The following HIP1 variants were observed in gnomAD, a reference collection of about 807,000 sequenced individuals.
HIP1 encodes the protein huntingtin interacting protein 1.
HIP1 carries 65 observed loss-of-function variants against 147.6 expected under a neutral mutation model. The observed-to-expected ratio is 0.44, with a 90% CI of 0.36 to 0.54. HIP1 has a LOEUF of 0.54. HIP1 is among the 20% of genes least tolerant of loss of function. The pLI is 0.00. For synonymous variants in HIP1, 479 were observed against 504.0 expected, an observed-to-expected ratio of 0.95 and a Z score of 0.67; for missense variants, 1,061 against 1,299.6, an observed-to-expected ratio of 0.82 and a Z score of 2.82.
At chr7:75,713,137 C>A (rs536396874) in intron 1 of HIP1, among the ~76,000 whole-genome samples, 2 of 152,182 alleles carry the variant, frequency 1.3e-5, no homozygotes, top group African/African-American at 2.4e-5. Flanking sequence ...TGGAAGGGCA[C>A]AAAGTGAGTG....
intron 1 of HIP1, among the ~76,000 whole-genome samples, chr7:75,659,200 T>A (rs1162875337): frequency 1.3e-5 from 2 of 152,224 alleles, no homozygotes; most frequent in African/African-American, 4.8e-5. Flanking sequence ...CAAAAATGTT[T>A]GGCCTTGGGC....
rs531315367 is a variant in HIP1, at chr7:75,694,170, G to A, written c.120+44631C>T. 1.4e-4 allele frequency among the ~76,000 whole-genome samples: 21 copies of A among 151,884 alleles called. No homozygotes were observed. The South Asian group carries it at 3.9e-3, about 29-fold the overall frequency. On this transcript the variant is annotated intron_variant, in intron 1 of 30. Transcript: ENST00000336926. ...CCTAACCTCGTGATCCACCCACCTC[G>A]GCCTCCCAAAGTGCTGAGATTACAG...
chr7:75,724,599 C>A (rs545005224), intron 1 of HIP1, among the ~76,000 whole-genome samples: 2 of 152,326 alleles, frequency 1.3e-5, no homozygotes, highest in South Asian at 4.1e-4. Flanking sequence ...CCATGCCTAG[C>A]CATCGCCACT....
intron 1 of HIP1, 74 bp downstream of exon 1, chr7:75,738,726 CT>C: frequency 1.3e-6 from 2 of 1,517,274 alleles, no homozygotes; most frequent in Non-Finnish European, 1.8e-6. Flanking sequence ...AAGACTCCTA[CT>C]CCCTTCAAAG....
chr7:75,592,349 A>G, intron 3 of HIP1, 23 bp downstream of exon 3: 1 of 1,589,202 alleles, frequency 6.3e-7, no homozygotes, highest in Non-Finnish European at 8.6e-7. Flanking sequence ...GCTCCCTGCC[A>G]CCCCATAGCC....
In HIP1 at chr7:75,568,865, C is replaced by T. The variant is rs1031172191; in HGVS notation, c.746-609G>A. 7.9e-5 allele frequency among the ~76,000 whole-genome samples: 12 copies of T among 152,172 alleles called. No individual in the cohort carries two copies. Among genetic ancestry groups the T allele is most frequent in the African/African-American group, 1.2e-4 (5 of 41,444 alleles). On this transcript the variant is annotated intron_variant, in intron 8 of 30. Coordinates refer to ENST00000336926, the MANE Select transcript of HIP1 (RefSeq NM_005338.7). The surrounding 1 kb of genome is among the most constrained non-coding windows in gnomAD (Gnocchi z 4.1). ...CTCTACTAAAAATACAGAAATTAGC[C>T]GGGCGCGGTGGCATGCGCCTGTAAT... is the stretch of plus-strand genomic sequence containing the variant.
At chr7:75,572,927 C>T (rs1423151219) in intron 8 of HIP1, among the ~76,000 whole-genome samples, 2 of 152,200 alleles carry the variant, frequency 1.3e-5, no homozygotes, top group African/African-American at 4.8e-5. Context: ...AACCTGTTCC[C>T]GCTGCCTGGC....
At chr7:75,634,466 C>T (rs185028669) in intron 1 of HIP1, among the ~76,000 whole-genome samples, 18 of 152,300 alleles carry the variant, frequency 1.2e-4, no homozygotes, top group African/African-American at 3.8e-4. Flanking sequence ...TTTATTATAT[C>T]GCTATAGCGC....
Position 75,738,891 on chromosome 7 carries a change from C to T in HIP1, c.30G>A (p.Gln10=), listed in dbSNP as rs781964287. MDRMASSMK[Q]VPNPLPKVLS... ...GCACCTTGGGCAGTGGGTTGGGCAC[C>T]TGCTTCATGGAGCTGGCCATCCGAT... Residue 10 remains glutamine (Q), a synonymous_variant, in exon 1 of 31, where the codon CAG becomes CAA. Transcript: ENST00000336926. The T allele has an allele frequency of 1.3e-5, 21 of 1,564,514 alleles. No individual in the cohort carries two copies. In the South Asian group the frequency reaches 2.1e-4, roughly 16 times the overall value.
At chr7:75,668,242 C>T (rs1165216925) in intron 1 of HIP1, among the ~76,000 whole-genome samples, 3 of 152,182 alleles carry the variant, frequency 2.0e-5, no homozygotes, top group Admixed American at 6.6e-5. Flanking sequence ...GCCTCAGTGG[C>T]GAGGGTCGGG....
intron 4 of HIP1, among the ~76,000 whole-genome samples, chr7:75,588,090 A>G (rs1796349856): frequency 6.6e-6 from 1 of 152,210 alleles, no homozygotes; most frequent in African/African-American, 2.4e-5. Context: ...CCTAAGGACT[A>G]TGAAGAATTC....
At chr7:75,616,749 G>A (rs1258218523) in intron 1 of HIP1, among the ~76,000 whole-genome samples, 8 of 152,288 alleles carry the variant, frequency 5.3e-5, no homozygotes, top group African/African-American at 1.4e-4. Context: ...GAGGGTGGAT[G>A]TCCACACATA....
intron 12 of HIP1, 100 bp from the exon 13 acceptor site, chr7:75,561,501 G>T: frequency 3.7e-6 from 3 of 803,074 alleles, no homozygotes; most frequent in South Asian, 2.7e-5. Flanking sequence ...GTATTAATTT[G>T]GGGACAATTC....
At chr7:75,639,111 T>G (rs1391958381) in intron 1 of HIP1, 1 of 983,100 alleles carries the variant, frequency 1.0e-6, no homozygotes, top group Non-Finnish European at 1.2e-6. Context: ...GAGATCCCGC[T>G]TCCCCCAAAG....
intron 8 of HIP1, among the ~76,000 whole-genome samples, chr7:75,573,273 G>A (rs1191930479): frequency 6.6e-6 from 1 of 152,160 alleles, no homozygotes; most frequent in Non-Finnish European, 1.5e-5. Flanking sequence ...ATAATCAGCT[G>A]CAGAGAGGAG....
In HIP1 at chr7:75,538,096, G is replaced by A; in HGVS notation, c.*76C>T. The A allele has an allele frequency of 3.3e-6, 4 of 1,230,156 alleles. No individual in the cohort carries two copies. In the South Asian group the frequency reaches 4.8e-5, roughly 15 times the overall value. The allele number at this position is 1,230,156 out of a possible 1,614,324, so 76.2% of individuals were successfully genotyped here. A position where few individuals can be genotyped will look rare whatever the true frequency, so the allele number is the denominator to read the frequency against. Reference sequence around the variant, plus strand: ...CTGCCCCTGGGACTCCAAGGATTTGGCCTGTGGCTGGGGAAATAACACACA... The same window carrying A: ...CTGCCCCTGGGACTCCAAGGATTTGACCTGTGGCTGGGGAAATAACACACA... On this transcript the variant is annotated 3_prime_UTR_variant, in exon 31 of 31. Transcript: ENST00000336926.
At chr7:75,673,622 T>C (rs1050393828) in intron 1 of HIP1, among the ~76,000 whole-genome samples, 2 of 152,070 alleles carry the variant, frequency 1.3e-5, no homozygotes, top group South Asian at 2.1e-4. Context: ...TATTCTTTTC[T>C]ATTGGTTTTC....
intron 1 of HIP1, chr7:75,625,667 T>C (rs1245981968): frequency 1.3e-5 from 2 of 152,256 alleles, no homozygotes; most frequent in South Asian, 2.1e-4. Context: ...TAAATATGTG[T>C]GTCCCCTCCA....
At chr7:75,621,634 G>T (rs1449655621) in intron 1 of HIP1, among the ~76,000 whole-genome samples, 1 of 152,188 alleles carries the variant, frequency 6.6e-6, no homozygotes, top group Non-Finnish European at 1.5e-5. Flanking sequence ...AGAACAGACT[G>T]CAGGGACCAG....
Sources: allele counts gnomAD v4.1 joint callset (sites outside exome capture counted in the v4.1 genomes callset), GRCh38; gene constraint gnomAD v4.1.1; non-coding constraint Gnocchi (gnomAD v3.1); transcripts MANE v1.5; gene names NCBI Gene and HGNC (gene_info 2026-07-23, HGNC 2026-07-21).